CDH13: variants seen among roughly 807,000 people sequenced by gnomAD.
CDH13 encodes the protein cadherin 13.
CDH13 carries 24 observed loss-of-function variants against 63.8 expected under a neutral mutation model. The ratio of observed to expected loss-of-function variants is 0.38; its 90% CI spans 0.27 to 0.53. CDH13 has a LOEUF of 0.53. Among genes scored for constraint, CDH13 ranks in the 20% least tolerant of loss-of-function variants. CDH13 has a pLI of 0.85. For synonymous variants in CDH13, 503 were observed against 355.3 expected (o/e 1.42, Z -4.67); for missense variants, 1,049 against 903.1 (o/e 1.16, Z -2.07).
At chr16:83,313,769 G>T (rs1365639533) in intron 5 of CDH13, among the ~76,000 whole-genome samples, 9 of 151,294 alleles carry the variant, frequency 5.9e-5, no homozygotes, top group African/African-American at 2.2e-4. Context: ...AGTTAATGTT[G>T]TTAAACAATA....
At chr16:83,675,184 T>C (rs974681583) in intron 9 of CDH13, among the ~76,000 whole-genome samples, 27 of 152,172 alleles carry the variant, frequency 1.8e-4, no homozygotes, top group Admixed American at 1.0e-3. Context: ...ATTAGTAAGA[T>C]TGTGTGCTTT....
At chr16:82,677,073 G>T (rs764024794) in intron 1 of CDH13, among the ~76,000 whole-genome samples, 2 of 152,066 alleles carry the variant, frequency 1.3e-5, no homozygotes, top group African/African-American at 2.4e-5. Flanking sequence ...TAGTAGAGAC[G>T]GGGTTTCGCC....
intron 1 of CDH13, among the ~76,000 whole-genome samples, chr16:82,708,117 G>A (rs1047857822): frequency 2.0e-5 from 3 of 152,250 alleles, no homozygotes; most frequent in East Asian, 1.9e-4. Context: ...TTCAGTGCAC[G>A]CATGGAGGCA....
At chr16:83,659,877 C>G (rs1025042309) in intron 8 of CDH13, among the ~76,000 whole-genome samples, 2 of 151,208 alleles carry the variant, frequency 1.3e-5, no homozygotes, top group African/African-American at 4.9e-5. Context: ...ACCTCCACCT[C>G]CCGGGTTCAA....
At chr16:82,886,690 A>T (rs968347514) in intron 2 of CDH13, among the ~76,000 whole-genome samples, 4 of 152,076 alleles carry the variant, frequency 2.6e-5, no homozygotes, top group African/African-American at 9.7e-5. Context: ...GGCTCCATGC[A>T]CTGTTCTAAG....
At chr16:83,026,289 C>T (rs1330736442) in intron 2 of CDH13, among the ~76,000 whole-genome samples, 2 of 152,198 alleles carry the variant, frequency 1.3e-5, no homozygotes, top group Non-Finnish European at 2.9e-5. Flanking sequence ...GTGCCCAGAG[C>T]TTGGGCTGTA....
chr16:82,904,602 T>C (rs371032929), intron 2 of CDH13, among the ~76,000 whole-genome samples: 1 of 152,012 alleles, frequency 6.6e-6, no homozygotes, highest in African/African-American at 2.4e-5. Flanking sequence ...AGAAAGGGAG[T>C]GATGTATGGA....
intron 10 of CDH13, among the ~76,000 whole-genome samples, chr16:83,741,414 C>T (rs1838789141): frequency 6.6e-6 from 1 of 151,960 alleles, no homozygotes; most frequent in South Asian, 2.1e-4. Flanking sequence ...TACCCTGTAT[C>T]TCCTCTCCTT....
At chr16:83,318,828 G>C (rs1028783775) in intron 5 of CDH13, among the ~76,000 whole-genome samples, 4 of 152,102 alleles carry the variant, frequency 2.6e-5, no homozygotes, top group African/African-American at 9.7e-5. Flanking sequence ...TTCTTTTGAA[G>C]TCACTGCTGG....
intron 10 of CDH13, among the ~76,000 whole-genome samples, chr16:83,734,995 T>C (rs1911401057): frequency 1.5e-5 from 1 of 66,022 alleles, no homozygotes; most frequent in Admixed American, 1.3e-4. Context: ...ATTTCTGTGG[T>C]TATTCAAAAA....
chr16:82,903,233 A>G (rs370743706), intron 2 of CDH13, among the ~76,000 whole-genome samples: 13 of 152,236 alleles, frequency 8.5e-5, no homozygotes, highest in African/African-American at 1.7e-4. Flanking sequence ...GAATGCCTCA[A>G]TGAAAAACAT....
chr16:83,153,474 C>G (rs565669326), intron 4 of CDH13, among the ~76,000 whole-genome samples: 1 of 152,272 alleles, frequency 6.6e-6, no homozygotes, highest in Non-Finnish European at 1.5e-5. Context: ...TGTTAGTAGT[C>G]TAATCCCCAG....
chr16:82,875,498 C>A (rs747774366), intron 2 of CDH13, among the ~76,000 whole-genome samples: 5 of 152,178 alleles, frequency 3.3e-5, no homozygotes, highest in Non-Finnish European at 7.3e-5. Context: ...TGGGCTTAAG[C>A]AATGGGAACT....
intron 6 of CDH13, among the ~76,000 whole-genome samples, chr16:83,385,758 C>T (rs2091661239): frequency 6.6e-6 from 1 of 152,144 alleles, no homozygotes; most frequent in South Asian, 2.1e-4. Flanking sequence ...ATGGGAACCT[C>T]CTCACATTCA....
At chr16:83,601,652 G>A (rs932585865) in intron 7 of CDH13, among the ~76,000 whole-genome samples, 2 of 152,154 alleles carry the variant, frequency 1.3e-5, no homozygotes, top group African/African-American at 2.4e-5. Flanking sequence ...ATAAAGTGAG[G>A]TAATGCAATG....
intron 7 of CDH13, among the ~76,000 whole-genome samples, chr16:83,550,103 G>A (rs1269243046): frequency 6.6e-6 from 1 of 152,218 alleles, no homozygotes; most frequent in Non-Finnish European, 1.5e-5. Flanking sequence ...GACTCTTCAA[G>A]ATTCACAACC....
chr16:83,791,911 A>T (rs1466906928), intron 13 of CDH13, among the ~76,000 whole-genome samples: 1 of 152,088 alleles, frequency 6.6e-6, no homozygotes, highest in Admixed American at 6.5e-5. Context: ...AACAAAATGC[A>T]TCCGTTGCAA....
intron 3 of CDH13, among the ~76,000 whole-genome samples, chr16:83,105,039 G>A (rs1402183142): frequency 3.3e-5 from 5 of 151,788 alleles, no homozygotes; most frequent in Non-Finnish European, 5.9e-5. Context: ...CGGGGTACAC[G>A]CACAGGATGT....
chr16:83,368,884 T>TATA (rs2091304865), intron 6 of CDH13, among the ~76,000 whole-genome samples: 5 of 47,702 alleles, frequency 1.0e-4, no homozygotes, highest in African/African-American at 2.2e-4. Flanking sequence ...GTATTCCATG[T>TATA]TATATATATA....
Sources: gnomAD v4.1 joint callset for allele counts (sites outside exome capture counted in the v4.1 genomes callset) on GRCh38, gnomAD v4.1.1 for gene constraint, MANE v1.5 for transcripts, NCBI Gene and HGNC (gene_info 2026-07-23, HGNC 2026-07-21) for gene names.